TRPC4AP: variants seen among roughly 807,000 people sequenced by gnomAD.
TRPC4AP encodes short transient receptor potential channel 4-associated protein.
A neutral mutation model predicts 99.0 loss-of-function variants in TRPC4AP; 45 were observed. The ratio of observed to expected loss-of-function variants is 0.45; its 90% confidence interval spans 0.36 to 0.58. The LOEUF (loss-of-function observed/expected upper bound fraction) is 0.58, where lower values mean the gene tolerates loss of function less well. Ranked by LOEUF, TRPC4AP falls within the 20% of genes least tolerant of loss-of-function variation. TRPC4AP has a pLI of 0.00. For synonymous variants in TRPC4AP, 408 were observed against 385.8 expected (o/e 1.06, Z -0.67); for missense variants, 879 against 985.3 (o/e 0.89, Z 1.44).
chr20:35,034,567 C>T (rs185159298), intron 8 of TRPC4AP, among the ~76,000 whole-genome samples: 67 of 152,136 alleles, frequency 4.4e-4, no homozygotes, highest in South Asian at 2.9e-3. Context: ...CAATGAGAAA[C>T]CTATTCCTTG....
At chr20:35,089,662 G>A (rs1421500960) in intron 1 of TRPC4AP, among the ~76,000 whole-genome samples, 4 of 152,052 alleles carry the variant, frequency 2.6e-5, no homozygotes, top group East Asian at 1.9e-4. Flanking sequence ...CAGCCTGACC[G>A]ACATGGTGAA....
chr20:35,037,317 G>A (rs12624766), intron 7 of TRPC4AP, among the ~76,000 whole-genome samples: 57,658 of 144,468 alleles, frequency 0.4, 12,548 homozygotes, highest in East Asian at 0.58. Context: ...ACTGCACTCC[G>A]GCCTGGGCGA....
At chr20:35,045,965 G>A (rs2083553204) in intron 6 of TRPC4AP, among the ~76,000 whole-genome samples, 1 of 152,136 alleles carries the variant, frequency 6.6e-6, no homozygotes, top group South Asian at 2.1e-4. Flanking sequence ...CACTGTGCCT[G>A]ACCCTTTCTT....
chr20:35,030,833 T>C (rs575857869), intron 8 of TRPC4AP, among the ~76,000 whole-genome samples: 10 of 152,316 alleles, frequency 6.6e-5, no homozygotes, highest in African/African-American at 2.4e-4. Context: ...CACAATCTCT[T>C]ACAATTACAG....
chr20:35,016,234 A>G, intron 9 of TRPC4AP, 95 bp from the exon 10 acceptor site: 1 of 1,474,518 alleles, frequency 6.8e-7, no homozygotes, highest in South Asian at 1.2e-5. Context: ...GATATTCAGG[A>G]CAAGTATCAG....
At chr20:35,018,944 T>C (rs964007210) in intron 9 of TRPC4AP, among the ~76,000 whole-genome samples, 6 of 152,176 alleles carry the variant, frequency 3.9e-5, no homozygotes, top group African/African-American at 1.2e-4. Flanking sequence ...TGAGGTACTG[T>C]AGAAGCTACT....
In TRPC4AP at chr20:35,004,441, C is replaced by G. The variant is rs1383029287; in HGVS notation, c.2049+17G>C. ...CCAATCGACCTTCCCTGCTGTGTGT[C>G]TGCCGGGGCCTCTCACCTGGGTCAG... On this transcript the variant is annotated intron_variant, in intron 17 of 18. Transcript: ENST00000252015. 9 of 1,605,636 alleles carry G rather than the reference C, an allele frequency of 5.6e-6. No individual in the cohort carries two copies. Among genetic ancestry groups the G allele is most frequent in the Non-Finnish European group, 7.7e-6 (9 of 1,174,964 alleles).
chr20:35,056,873 C>T (rs555798356), intron 4 of TRPC4AP, among the ~76,000 whole-genome samples: 1 of 149,432 alleles, frequency 6.7e-6, no homozygotes, highest in Non-Finnish European at 1.5e-5. Flanking sequence ...GTAATCCCAG[C>T]TACTTGAGAG....
intron 2 of TRPC4AP, among the ~76,000 whole-genome samples, chr20:35,075,581 T>C (rs926990960): frequency 6.6e-6 from 1 of 152,234 alleles, no homozygotes; most frequent in African/African-American, 2.4e-5. Context: ...TGTTGAATAT[T>C]GGCCCCCACT....
chr20:35,027,272 T>C (rs1379345363), intron 8 of TRPC4AP, among the ~76,000 whole-genome samples: 1 of 152,230 alleles, frequency 6.6e-6, no homozygotes, highest in Non-Finnish European at 1.5e-5. Flanking sequence ...GTGTTGGATT[T>C]TGTCAAATGC....
At chr20:35,060,320 C>G (rs2083964986) in intron 3 of TRPC4AP, among the ~76,000 whole-genome samples, 1 of 152,076 alleles carries the variant, frequency 6.6e-6, no homozygotes, top group Admixed American at 6.5e-5. Flanking sequence ...CGCATGATGG[C>G]TTATGCCTGT....
chr20:35,078,630 C>G (rs1448745295), intron 1 of TRPC4AP, among the ~76,000 whole-genome samples: 1 of 152,028 alleles, frequency 6.6e-6, no homozygotes, highest in Non-Finnish European at 1.5e-5. Flanking sequence ...CCAACTATAT[C>G]AATAATCACT....
At chr20:35,056,753 G>T (rs1488340978) in intron 4 of TRPC4AP, among the ~76,000 whole-genome samples, 1 of 151,936 alleles carries the variant, frequency 6.6e-6, no homozygotes. Flanking sequence ...GCTGAGGTGG[G>T]CAGATCACTT....
intron 3 of TRPC4AP, among the ~76,000 whole-genome samples, chr20:35,065,647 A>G (rs2084124396): frequency 6.6e-6 from 1 of 152,202 alleles, no homozygotes; most frequent in Admixed American, 6.6e-5. Context: ...TTACTTAAGC[A>G]GGAGCCCATG....
intron 4 of TRPC4AP, 33 bp downstream of exon 4, chr20:35,057,481 A>G: frequency 5.7e-6 from 9 of 1,590,172 alleles, no homozygotes; most frequent in Non-Finnish European, 7.7e-6. Context: ...GCAGGTTGGA[A>G]AACAAGGACC....
rs2082432607 is a variant in TRPC4AP at position 35,003,265 on chromosome 20, A to G, written c.2275T>C (p.Ser759Pro). The change falls in exon 19 of 19, where the codon TCA (serine) becomes CCA (proline). Residue 759 changes from serine (S) to proline (P), a missense_variant. Around this residue, in one of 3 missense-constraint regions of TRPC4AP, gnomAD observed 224 missense variants for 264.7 expected, o/e 0.85. Transcript: ENST00000252015. ...ATGGACACTGTCTCCTTCCAGTATG[A>G]GAAGCTGATGCAGGAGCTCTGGGCA... is the stretch of plus-strand genomic sequence containing the variant. ...CLENSSCISF[S>P]YWKETVSILL... 2 of 1,614,030 alleles carry G rather than the reference A, an allele frequency of 1.2e-6. No homozygotes were observed. The highest frequency in any genetic ancestry group is 2.7e-5 in the African/African-American group (2 of 74,928).
At chr20:35,035,415 T>G (rs532914870) in intron 7 of TRPC4AP, 107 bp from the exon 8 acceptor site, 20 of 1,180,776 alleles carry the variant, frequency 1.7e-5, no homozygotes, top group Non-Finnish European at 2.3e-5. Flanking sequence ...CTTACTCTGA[T>G]AGTAGCTAAA....
chr20:35,020,321 T>C (rs1197624070), intron 9 of TRPC4AP, among the ~76,000 whole-genome samples: 1 of 152,176 alleles, frequency 6.6e-6, no homozygotes, highest in Non-Finnish European at 1.5e-5. Flanking sequence ...GTCTTTAAAA[T>C]GGCCTGTGAC....
intron 7 of TRPC4AP, among the ~76,000 whole-genome samples, chr20:35,036,664 T>C (rs1195654892): frequency 4.6e-5 from 7 of 152,122 alleles, no homozygotes; most frequent in Non-Finnish European, 8.8e-5. Context: ...TAAGACAAGC[T>C]GGCCAGGCAC....
Sources: gnomAD v4.1 joint callset for allele counts (sites outside exome capture counted in the v4.1 genomes callset) on GRCh38, gnomAD v4.1.1 for gene constraint, gnomAD v4.1.1 regional missense constraint, MANE v1.5 for transcripts, NCBI Gene and HGNC (gene_info 2026-07-23, HGNC 2026-07-21) for gene names.